The following CEP112 variants were observed in gnomAD, a reference collection of about 807,000 sequenced individuals.
CEP112 encodes centrosomal protein of 112 kDa.
In CEP112, 127 loss-of-function variants were observed where a neutral mutation model predicts 153.0. The ratio of observed to expected loss-of-function variants is 0.83; its 90% CI spans 0.72 to 0.96. The LOEUF is 0.96. CEP112 is among the 40% of genes least tolerant of loss of function. CEP112 has a pLI of 0.00. For missense variants in CEP112, 1,089 were observed against 1,101.2 expected, an observed-to-expected ratio of 0.99 and a Z score of 0.16; for synonymous variants, 358 against 374.4, an observed-to-expected ratio of 0.96 and a Z score of 0.51.
At chr17:66,048,391 G>A (rs1048918001) in intron 12 of CEP112, among the ~76,000 whole-genome samples, 7 of 151,050 alleles carry the variant, frequency 4.6e-5, no homozygotes, top group Admixed American at 3.9e-4. Flanking sequence ...GAAGGAAGGA[G>A]GAATTACTCT....
At chr17:66,035,008 A>AT (rs1218978308) in intron 12 of CEP112, among the ~76,000 whole-genome samples, 2 of 72,372 alleles carry the variant, frequency 2.8e-5, no homozygotes, top group African/African-American at 8.8e-5. Context: ...ATATATATAT[A>AT]TTTTTTTTTT....
intron 18 of CEP112, among the ~76,000 whole-genome samples, chr17:65,937,386 G>A (rs942149298): frequency 2.6e-4 from 31 of 117,072 alleles, no homozygotes; most frequent in Non-Finnish European, 3.9e-4. Context: ...GTCTCTGCCC[G>A]GCTGCCCATC....
chr17:65,914,256 T>A (rs1333819539), intron 19 of CEP112, among the ~76,000 whole-genome samples: 1 of 150,328 alleles, frequency 6.7e-6, no homozygotes, highest in Non-Finnish European at 1.5e-5. Context: ...GATGTCTGTG[T>A]CTTAATCTAG....
chr17:65,776,309 G>A (rs899947246), intron 21 of CEP112, among the ~76,000 whole-genome samples: 5 of 151,946 alleles, frequency 3.3e-5, no homozygotes, highest in Non-Finnish European at 7.4e-5. Context: ...ATCTCGGCTT[G>A]CTGCAAGCTC....
chr17:65,647,374 T>C (rs1302599705), intron 24 of CEP112, among the ~76,000 whole-genome samples: 4 of 151,866 alleles, frequency 2.6e-5, no homozygotes, highest in South Asian at 2.1e-4. Context: ...GGTTTCTCCA[T>C]GTTGGTCAGT....
intron 17 of CEP112, among the ~76,000 whole-genome samples, chr17:65,974,126 G>C (rs1433250892): frequency 6.6e-6 from 1 of 151,632 alleles, no homozygotes; most frequent in Non-Finnish European, 1.5e-5. Context: ...ACCCAAGCTG[G>C]AGTGCAGTGG....
At chr17:66,118,596 G>C (rs1323120598) in intron 6 of CEP112, among the ~76,000 whole-genome samples, 2 of 151,920 alleles carry the variant, frequency 1.3e-5, no homozygotes, top group African/African-American at 4.8e-5. Context: ...AATAGGGACT[G>C]GTAAATAGGT....
At chr17:65,863,694 G>C (rs151148962) in intron 20 of CEP112, among the ~76,000 whole-genome samples, 8,038 of 149,058 alleles carry the variant, frequency 0.054, 313 homozygotes, top group South Asian at 0.11. Context: ...GGGAGGTGGA[G>C]CTTGCAGTGA....
At chr17:65,838,176 C>A (rs1016724250) in intron 21 of CEP112, among the ~76,000 whole-genome samples, 1 of 152,004 alleles carries the variant, frequency 6.6e-6, no homozygotes, top group African/African-American at 2.4e-5. Flanking sequence ...CAGAATTTTC[C>A]ACCCAACTGC....
intron 18 of CEP112, among the ~76,000 whole-genome samples, chr17:65,942,489 T>C (rs1421125131): frequency 2.0e-5 from 3 of 152,196 alleles, no homozygotes; most frequent in Non-Finnish European, 4.4e-5. Context: ...TTCAGCCTTC[T>C]CCTAGCAGTT....
rs1003731825 is a variant in CEP112 at position 65,811,164 on chromosome 17, A to G, written c.2394+40640T>C. On this transcript the variant is annotated intron_variant, in intron 21 of 26. Coordinates refer to ENST00000535342, the MANE Select transcript of CEP112 (RefSeq NM_001199165.4). ...TTGAACCATGGTCAAGTGTTTAGATACTGTAGTAGAGTACATGAGTGTTTG... is the reference window on the plus strand; with the variant it reads ...TTGAACCATGGTCAAGTGTTTAGATGCTGTAGTAGAGTACATGAGTGTTTG... 5.3e-5 allele frequency among the ~76,000 whole-genome samples: 8 copies of G among 152,318 alleles called. No homozygotes were observed. In the East Asian group the frequency reaches 1.5e-3, roughly 29 times the overall value.
chr17:66,084,285 C>T (rs890230564), intron 8 of CEP112, among the ~76,000 whole-genome samples: 1 of 152,094 alleles, frequency 6.6e-6, no homozygotes, highest in African/African-American at 2.4e-5. Flanking sequence ...AATAGAACTA[C>T]CAATCCACCA....
intron 21 of CEP112, among the ~76,000 whole-genome samples, chr17:65,773,296 C>T (rs573636286): frequency 6.6e-6 from 1 of 152,288 alleles, no homozygotes; most frequent in South Asian, 2.1e-4. Context: ...CTTATTAGTT[C>T]AAGAAATATT....
intron 16 of CEP112, among the ~76,000 whole-genome samples, chr17:66,011,733 T>C (rs911491466): frequency 1.3e-5 from 2 of 152,158 alleles, no homozygotes; most frequent in Admixed American, 1.3e-4. Context: ...TACATGCATT[T>C]GGTCAAGTGT....
intron 24 of CEP112, among the ~76,000 whole-genome samples, chr17:65,659,082 G>T (rs1039173368): frequency 7.0e-6 from 1 of 142,900 alleles, no homozygotes; most frequent in Admixed American, 7.1e-5. Flanking sequence ...TATCACCACC[G>T]CATAGGAAAT....
chr17:66,019,498 T>C lies in CEP112; in HGVS notation c.1656+8003A>G, dbSNP rs565858131. On this transcript the variant is annotated intron_variant, in intron 16 of 26. Transcript: ENST00000535342. ...TTTAATAAAGAAAGAAAAACAGATG[T>C]CAATGTAAAAGGGGGAGATTATGAA... Among the ~76,000 whole-genome samples, 4 of 152,200 alleles carry C rather than the reference T, an allele frequency of 2.6e-5. No individual in the cohort carries two copies. In the East Asian group the frequency reaches 5.8e-4, roughly 22 times the overall value.
intron 18 of CEP112, among the ~76,000 whole-genome samples, chr17:65,940,912 T>C (rs538240192): frequency 2.3e-4 from 35 of 152,284 alleles, no homozygotes; most frequent in African/African-American, 8.4e-4. Context: ...GTAAATGAGG[T>C]TATGGCTATG....
intron 21 of CEP112, among the ~76,000 whole-genome samples, chr17:65,781,698 T>C (rs1329323851): frequency 1.3e-5 from 2 of 152,034 alleles, no homozygotes; most frequent in African/African-American, 4.8e-5. Context: ...GAAATAAAGA[T>C]GCACATCTGC....
chr17:65,937,140 T>A (rs1206745107), intron 18 of CEP112, among the ~76,000 whole-genome samples: 29 of 148,814 alleles, frequency 1.9e-4, no homozygotes, highest in African/African-American at 6.9e-4. Flanking sequence ...CAGGCTGGAG[T>A]GCAGTGGCAT....
Sources: gnomAD v4.1 joint callset for allele counts (sites outside exome capture counted in the v4.1 genomes callset) on GRCh38, gnomAD v4.1.1 for gene constraint, MANE v1.5 for transcripts, NCBI Gene and HGNC (gene_info 2026-07-23, HGNC 2026-07-21) for gene names.